The following ATP8A2 variants were observed in gnomAD, a reference collection of about 807,000 sequenced individuals.
ATP8A2 encodes the protein phospholipid-transporting ATPase IB.
Under a neutral mutation model 165.6 loss-of-function variants are expected in ATP8A2, and 100 were observed. The ratio of observed to expected loss-of-function variants is 0.60; its 90% CI spans 0.51 to 0.71. The LOEUF (loss-of-function observed/expected upper bound fraction) is 0.71. ATP8A2 is among the 30% of genes least tolerant of loss of function. The pLI, the probability that ATP8A2 is intolerant of heterozygous loss-of-function variation, is 0.00. For synonymous variants in ATP8A2, 543 were observed against 548.8 expected, an observed-to-expected ratio of 0.99 and a Z score of 0.15; for missense variants, 1,227 against 1,479.5, an observed-to-expected ratio of 0.83 and a Z score of 2.80.
chr13:25,581,971 CA>C lies in ATP8A2; in HGVS notation c.2146+17del, dbSNP rs753673986. ...CGATTAATATAGGTAATTATTTTTA[CA>C]AATAATTTCCTGATGCTGGGTTTTG... On this transcript the variant is annotated intron_variant, in intron 23 of 36. Coordinates refer to ENST00000381655, the MANE Select transcript of ATP8A2 (RefSeq NM_016529.6). 8.2e-6 allele frequency: 13 copies of C among 1,591,626 alleles called. No individual in the cohort carries two copies. The African/African-American group carries it at 1.8e-4, about 22-fold the overall frequency.
chr13:25,765,390 C>T (rs542419173), intron 25 of ATP8A2, among the ~76,000 whole-genome samples: 186 of 152,262 alleles, frequency 1.2e-3, no homozygotes, highest in African/African-American at 4.2e-3. Flanking sequence ...GCATGTGACT[C>T]CAGGTCACAA....
At chr13:25,390,546 G>C (rs1402057473) in intron 1 of ATP8A2, among the ~76,000 whole-genome samples, 1 of 152,066 alleles carries the variant, frequency 6.6e-6, no homozygotes, top group Non-Finnish European at 1.5e-5. Context: ...TTCTGACTCT[G>C]TAGTTTTGTC....
intron 30 of ATP8A2, among the ~76,000 whole-genome samples, chr13:25,855,871 G>C (rs977620787): frequency 2.6e-5 from 4 of 152,158 alleles, no homozygotes; most frequent in African/African-American, 9.7e-5. Context: ...TCTCATTGTG[G>C]TTTTGATTTT....
chr13:25,603,257 G>A (rs1319918553), intron 24 of ATP8A2, among the ~76,000 whole-genome samples: 2 of 152,112 alleles, frequency 1.3e-5, no homozygotes, highest in Non-Finnish European at 1.5e-5. Context: ...GGAGGCCAGA[G>A]TGGTTGGGTC....
At chr13:25,684,135 C>T (rs948203716) in intron 24 of ATP8A2, among the ~76,000 whole-genome samples, 4 of 152,160 alleles carry the variant, frequency 2.6e-5, no homozygotes, top group Non-Finnish European at 5.9e-5. Context: ...TATTAACCAG[C>T]CAGTTAGCCC....
Position 25,986,893 on chromosome 13 carries a change from T to A in ATP8A2, c.3377+18214T>A, listed in dbSNP as rs112339076. On this transcript the variant is annotated intron_variant, in intron 35 of 36. Coordinates refer to ENST00000381655, the MANE Select transcript of ATP8A2 (RefSeq NM_016529.6). Reference sequence around the variant, plus strand: ...TAACATTGCTTCCCAGAGGCAGAAGTGCACCTTATTCCTAGATTTCAGCAC... The same window carrying A: ...TAACATTGCTTCCCAGAGGCAGAAGAGCACCTTATTCCTAGATTTCAGCAC... 8.5e-5 allele frequency among the ~76,000 whole-genome samples: 13 copies of A among 152,294 alleles called. 2 individuals carry two copies. The highest frequency in any genetic ancestry group is 3.1e-4 in the African/African-American group (13 of 41,564).
intron 33 of ATP8A2, among the ~76,000 whole-genome samples, chr13:25,921,387 G>A (rs1954449560): frequency 6.6e-6 from 1 of 151,858 alleles, no homozygotes; most frequent in African/African-American, 2.4e-5. Flanking sequence ...GGAGGCTGAG[G>A]CGGGTGGATC....
chr13:25,447,559 C>T (rs1207584835), intron 1 of ATP8A2, among the ~76,000 whole-genome samples: 1 of 152,148 alleles, frequency 6.6e-6, no homozygotes, highest in Non-Finnish European at 1.5e-5. Flanking sequence ...GGAACAAATC[C>T]AGTACCAGCC....
intron 2 of ATP8A2, 72 bp from the exon 3 acceptor site, chr13:25,529,927 C>T: frequency 1.2e-6 from 1 of 847,136 alleles, no homozygotes; most frequent in Non-Finnish European, 1.9e-6. Flanking sequence ...ACTTTCTAAA[C>T]TTCTTGTCCT....
chr13:25,792,243 G>C (rs1310249617), intron 27 of ATP8A2, among the ~76,000 whole-genome samples: 1 of 152,108 alleles, frequency 6.6e-6, no homozygotes, highest in Non-Finnish European at 1.5e-5. Context: ...AAGTATAAAG[G>C]CTTTCATTTT....
chr13:25,689,788 A>G (rs547073259), intron 24 of ATP8A2, among the ~76,000 whole-genome samples: 1 of 152,306 alleles, frequency 6.6e-6, no homozygotes, highest in South Asian at 2.1e-4. Flanking sequence ...GTCATTTTAT[A>G]CATAGCTGAG....
At chr13:25,799,849 A>T (rs1950584896) in intron 27 of ATP8A2, among the ~76,000 whole-genome samples, 1 of 152,220 alleles carries the variant, frequency 6.6e-6, no homozygotes, top group Non-Finnish European at 1.5e-5. Flanking sequence ...AGGAGAGCAA[A>T]ATAGTAACTC....
At chr13:25,442,656 G>T (rs2034963970) in intron 1 of ATP8A2, among the ~76,000 whole-genome samples, 1 of 152,204 alleles carries the variant, frequency 6.6e-6, no homozygotes, top group South Asian at 2.1e-4. Context: ...CTAGGCTCAA[G>T]TGATCCTCCA....
At chr13:25,564,549 G>A (rs2039255719) in intron 16 of ATP8A2, among the ~76,000 whole-genome samples, 1 of 152,090 alleles carries the variant, frequency 6.6e-6, no homozygotes, top group Admixed American at 6.5e-5. Flanking sequence ...GATTAAATTG[G>A]CGAGTAGTTA....
At chr13:25,958,597 G>A (rs1387476364) in intron 33 of ATP8A2, among the ~76,000 whole-genome samples, 7 of 152,266 alleles carry the variant, frequency 4.6e-5, no homozygotes, top group African/African-American at 1.7e-4. Context: ...GTAATTTACT[G>A]CAGTGAGTTC....
chr13:25,659,117 T>C (rs2137678594), intron 24 of ATP8A2, among the ~76,000 whole-genome samples: 1 of 152,322 alleles, frequency 6.6e-6, no homozygotes, highest in South Asian at 2.1e-4. Flanking sequence ...AGGTTATGTA[T>C]GTGCAAGCTC....
chr13:25,617,554 A>G (rs1347095148), intron 24 of ATP8A2, among the ~76,000 whole-genome samples: 1 of 152,220 alleles, frequency 6.6e-6, no homozygotes, highest in African/African-American at 2.4e-5. Context: ...TTCATCTGAC[A>G]AAACTCTTTT....
chr13:26,008,521 G>GAAC (rs1416895290), intron 35 of ATP8A2, among the ~76,000 whole-genome samples: 1 of 152,170 alleles, frequency 6.6e-6, no homozygotes, highest in African/African-American at 2.4e-5. Context: ...GTAAAATAGA[G>GAAC]AACGGAGGGG....
intron 24 of ATP8A2, among the ~76,000 whole-genome samples, chr13:25,619,555 G>C (rs538459955): frequency 1.3e-5 from 2 of 152,228 alleles, no homozygotes; most frequent in South Asian, 4.1e-4. Flanking sequence ...TAACCCTAGG[G>C]ATATCTGTGG....
Sources: gnomAD v4.1 joint callset for allele counts (sites outside exome capture counted in the v4.1 genomes callset) on GRCh38, gnomAD v4.1.1 for gene constraint, MANE v1.5 for transcripts, NCBI Gene and HGNC (gene_info 2026-07-23, HGNC 2026-07-21) for gene names.